The following CNTNAP2 variants were observed in gnomAD, a reference collection of about 807,000 sequenced individuals.
CNTNAP2 encodes the protein contactin associated protein 2.
A neutral mutation model predicts 155.2 loss-of-function variants in CNTNAP2; 98 were observed. That is an observed-to-expected ratio of 0.63 (90% CI 0.54 to 0.75). The LOEUF (loss-of-function observed/expected upper bound fraction) is 0.75, where lower values mean the gene tolerates loss of function less well. Among genes scored for constraint, CNTNAP2 ranks in the 30% least tolerant of loss-of-function variants. The probability of loss-of-function intolerance (pLI) is 0.00; values close to 1 mark genes in which losing one functional copy is unlikely to be tolerated. For synonymous variants in CNTNAP2, 651 were observed against 631.2 expected, an observed-to-expected ratio of 1.03 and a Z score of -0.47; for missense variants, 1,727 against 1,688.1, an observed-to-expected ratio of 1.02 and a Z score of -0.40.
intron 15 of CNTNAP2, among the ~76,000 whole-genome samples, chr7:148,047,516 C>T (rs776377002): frequency 1.5e-4 from 23 of 151,928 alleles, no homozygotes; most frequent in Non-Finnish European, 2.8e-4. Context: ...CGCTTGGGGG[C>T]CATTTGAAAC....
intron 11 of CNTNAP2, among the ~76,000 whole-genome samples, chr7:147,510,559 C>A (rs1172004395): frequency 6.7e-6 from 1 of 150,230 alleles, no homozygotes; most frequent in African/African-American, 2.5e-5. Context: ...TTTGTGATTA[C>A]TACAAATGGT....
intron 1 of CNTNAP2, among the ~76,000 whole-genome samples, chr7:146,130,340 C>T (rs1229877247): frequency 6.6e-6 from 1 of 152,088 alleles, no homozygotes; most frequent in Non-Finnish European, 1.5e-5. Flanking sequence ...TGGTGTGTGT[C>T]TGTACTGTAG....
At chr7:147,113,939 A>G (rs1355489788) in intron 5 of CNTNAP2, among the ~76,000 whole-genome samples, 2 of 151,954 alleles carry the variant, frequency 1.3e-5, no homozygotes, top group Admixed American at 6.6e-5. Flanking sequence ...TAGCTGTTTG[A>G]TGTGGGCATT....
Position 148,231,972 on chromosome 7 carries a change from G to A in CNTNAP2, c.3381+2193G>A, listed in dbSNP as rs73474265. Among the ~76,000 whole-genome samples the A allele has an allele frequency of 1.8e-3, 272 of 152,234 alleles. 1 individual carries two copies. Among genetic ancestry groups the A allele is most frequent in the African/African-American group, 5.1e-3 (213 of 41,532 alleles). On this transcript the variant is annotated intron_variant, in intron 20 of 23. Transcript: ENST00000361727. ...ACCTGGGAAGTGCTTCCTCGATTCC[G>A]CCCTAGGTTCTGCACCTGGAAGTGT... is the stretch of plus-strand genomic sequence containing the variant.
intron 3 of CNTNAP2, among the ~76,000 whole-genome samples, chr7:146,944,604 C>T (rs998487619): frequency 3.9e-5 from 6 of 152,062 alleles, no homozygotes; most frequent in South Asian, 2.1e-4. Flanking sequence ...GCTGCCCAGG[C>T]GCGGGGGCTC....
intron 13 of CNTNAP2, among the ~76,000 whole-genome samples, chr7:147,673,475 A>C (rs1795820815): frequency 6.6e-6 from 1 of 152,246 alleles, no homozygotes; most frequent in African/African-American, 2.4e-5. Context: ...GTATAGATTA[A>C]GTTGGAATAA....
intron 4 of CNTNAP2, among the ~76,000 whole-genome samples, chr7:147,074,172 C>T (rs1276577073): frequency 6.6e-6 from 1 of 152,126 alleles, no homozygotes; most frequent in Admixed American, 6.6e-5. Flanking sequence ...ACGTGTTTCC[C>T]TGATAATCAT....
chr7:148,077,553 T>A (rs1803512828), intron 15 of CNTNAP2, among the ~76,000 whole-genome samples: 1 of 152,144 alleles, frequency 6.6e-6, no homozygotes, highest in South Asian at 2.1e-4. Flanking sequence ...CTGGGGAGAT[T>A]CAAATAAACA....
At chr7:147,429,039 A>T (rs1797425757) in intron 10 of CNTNAP2, among the ~76,000 whole-genome samples, 3 of 152,048 alleles carry the variant, frequency 2.0e-5, no homozygotes, top group Admixed American at 2.0e-4. Context: ...TGATTTTTCT[A>T]TTCCAGAATT....
chr7:146,249,580 T>A (rs1377166107), intron 1 of CNTNAP2, among the ~76,000 whole-genome samples: 1 of 152,328 alleles, frequency 6.6e-6, no homozygotes, highest in Admixed American at 6.5e-5. Context: ...AGCACAAATA[T>A]CACTTATTAT....
At chr7:147,672,473 C>A (rs1795803877) in intron 13 of CNTNAP2, 1 of 152,136 alleles carries the variant, frequency 6.6e-6, no homozygotes, top group South Asian at 2.1e-4. Flanking sequence ...CAAAGCATGG[C>A]AGGGAATTCT....
intron 8 of CNTNAP2, among the ~76,000 whole-genome samples, chr7:147,275,533 T>C (rs186012146): frequency 6.6e-5 from 10 of 152,226 alleles, no homozygotes; most frequent in African/African-American, 2.2e-4. Context: ...TGATTTTGTA[T>C]CCTGAAACCT....
intron 15 of CNTNAP2, among the ~76,000 whole-genome samples, chr7:148,054,984 G>A (rs1439138833): frequency 6.6e-6 from 1 of 150,806 alleles, no homozygotes; most frequent in African/African-American, 2.4e-5. Flanking sequence ...CCTGGTTCAA[G>A]CGATTCTCCT....
intron 13 of CNTNAP2, among the ~76,000 whole-genome samples, chr7:147,821,758 A>T (rs893296700): frequency 2.6e-5 from 4 of 152,128 alleles, no homozygotes; most frequent in African/African-American, 9.7e-5. Flanking sequence ...TGTGGTGCAG[A>T]ATAAAATTGC....
chr7:147,572,302 T>TA (rs1326970791), intron 12 of CNTNAP2, among the ~76,000 whole-genome samples: 22 of 146,018 alleles, frequency 1.5e-4, no homozygotes, highest in African/African-American at 3.0e-4. Context: ...AACTTCAAAT[T>TA]AAAAAAAAAA....
At chr7:146,980,932 CAAGAG>C (rs1181261247) in intron 3 of CNTNAP2, among the ~76,000 whole-genome samples, 1 of 152,080 alleles carries the variant, frequency 6.6e-6, no homozygotes, top group East Asian at 1.9e-4. Flanking sequence ...GGAAAACAGA[CAAGAG>C]AAGTCACAAC....
Position 146,828,444 on chromosome 7 carries a change from C to T in CNTNAP2, c.209-11267C>T, listed in dbSNP as rs1803449074. Among the ~76,000 whole-genome samples the T allele has an allele frequency of 3.3e-5, 5 of 152,042 alleles. No homozygotes were observed. In the South Asian group the frequency reaches 1.0e-3, roughly 32 times the overall value. On this transcript the variant is annotated intron_variant, in intron 2 of 23. Transcript: ENST00000361727. ...AATCTCTCAAATTATGGAAGTTTTTCTTCTAAAATAATTCTGATAACTAGC... is the reference window on the plus strand; with the variant it reads ...AATCTCTCAAATTATGGAAGTTTTTTTTCTAAAATAATTCTGATAACTAGC...
At chr7:147,316,785 A>C (rs1584868181) in intron 9 of CNTNAP2, among the ~76,000 whole-genome samples, 1 of 152,336 alleles carries the variant, frequency 6.6e-6, no homozygotes, top group Non-Finnish European at 1.5e-5. Flanking sequence ...AACAGCAGAA[A>C]GATGCTAAAA....
intron 13 of CNTNAP2, among the ~76,000 whole-genome samples, chr7:147,817,914 A>C (rs1161512682): frequency 6.6e-6 from 1 of 151,824 alleles, no homozygotes; most frequent in Non-Finnish European, 1.5e-5. Context: ...CAAAAAAAAA[A>C]AAAAAAAATA....
Sources: gnomAD v4.1 joint callset for allele counts (sites outside exome capture counted in the v4.1 genomes callset) on GRCh38, gnomAD v4.1.1 for gene constraint, MANE v1.5 for transcripts, NCBI Gene and HGNC (gene_info 2026-07-23, HGNC 2026-07-21) for gene names.